WDR26: variants seen among roughly 807,000 people sequenced by gnomAD.
WDR26 encodes WD repeat domain 26, also known as WD repeat-containing protein 26.
Under a neutral mutation model 84.1 loss-of-function variants are expected in WDR26, and 5 were observed. The observed-to-expected ratio is 0.06, with a 90% CI of 0.03 to 0.13. WDR26 has a LOEUF of 0.13. Ranked by LOEUF, WDR26 falls within the 10% of genes least tolerant of loss-of-function variation. The pLI is 1.00. For missense variants in WDR26, 642 were observed against 974.9 expected, an observed-to-expected ratio of 0.66 and a Z score of 4.55; for synonymous variants, 415 against 389.6, an observed-to-expected ratio of 1.07 and a Z score of -0.77.
In WDR26 at chr1:224,389,576, T is replaced by C; in HGVS notation, c.*259A>G. The stretch of plus-strand genomic sequence containing the variant: ...ACTGAGTTCAATGGGTAAGCCTGAA[T>C]GTAGCACAGTTCTTCACAACCGATG... On this transcript the variant is annotated 3_prime_UTR_variant, in exon 14 of 14. Coordinates refer to ENST00000414423, the MANE Select transcript of WDR26 (RefSeq NM_001379403.1). 1.7e-6 allele frequency: 1 copy of C among 573,348 alleles called. No homozygotes were observed. Among genetic ancestry groups the C allele is most frequent in the Non-Finnish European group, 3.0e-6 (1 of 330,432 alleles). The allele number at this position is 573,348 out of a possible 1,614,324, so 35.5% of individuals were successfully genotyped here.
In WDR26 at chr1:224,419,763, G is replaced by A. The variant is rs577027521; in HGVS notation, c.1065-148C>T. ...TGGACTCAATTCATTAATATAATAT[G>A]GCACCTGCATATAATTACTAAAATG... On this transcript the variant is annotated intron_variant, in intron 4 of 13. Transcript: ENST00000414423. 3.1e-4 allele frequency: 192 copies of A among 612,602 alleles called. 1 individual carries two copies. Among genetic ancestry groups the A allele is most frequent in the South Asian group, 1.7e-3 (85 of 50,520 alleles). The allele number at this position is 612,602 out of a possible 1,614,324, so 37.9% of individuals were successfully genotyped here.
chr1:224,415,638 T>C (rs1393455608), intron 6 of WDR26, among the ~76,000 whole-genome samples: 2 of 152,078 alleles, frequency 1.3e-5, no homozygotes, highest in African/African-American at 4.8e-5. Context: ...TTTTTTTGTA[T>C]TTTTAGTAGA....
chr1:224,410,092 C>G (rs1673691890), intron 7 of WDR26, among the ~76,000 whole-genome samples: 2 of 151,776 alleles, frequency 1.3e-5, no homozygotes, highest in South Asian at 4.1e-4. Flanking sequence ...ACCAGTCTGG[C>G]CAACATGGTG....
At chr1:224,424,733 T>G (rs2102919634) in intron 3 of WDR26, 79 bp from the exon 4 acceptor site, 1 of 1,577,252 alleles carries the variant, frequency 6.3e-7, no homozygotes, top group East Asian at 2.2e-5. Flanking sequence ...AACAGAACAG[T>G]AGAAACCATT....
chr1:224,410,782 T>C (rs1673717266), intron 7 of WDR26, among the ~76,000 whole-genome samples: 1 of 144,294 alleles, frequency 6.9e-6, no homozygotes, highest in Admixed American at 7.1e-5. Context: ...CACTGTAGCC[T>C]CCACCTCCCG....
Position 224,389,848 on chromosome 1 carries a change from C to G in WDR26, c.2273G>C (p.Ser758Thr). The G allele has an allele frequency of 7.4e-7, 1 of 1,349,214 alleles. No individual in the cohort carries two copies. The highest frequency in any genetic ancestry group is 9.7e-7 in the Non-Finnish European group (1 of 1,029,674). The allele number at this position is 1,349,214 out of a possible 1,614,324, so 83.6% of individuals were successfully genotyped here. ...CCAAATTCACCATCAACTATCCATG[C>G]TACTGCATTCCTCTGAATGAAGACA... The change falls in exon 14 of 14, where the codon AGC (serine) becomes ACC (threonine). Residue 758 changes from serine to threonine, a missense_variant. Transcript: ENST00000414423.
In WDR26 at chr1:224,386,682, G is replaced by A. The variant is rs1434978371; in HGVS notation, c.*3153C>T. The A allele has an allele frequency of 3.9e-5, 6 of 151,996 alleles. No individual in the cohort carries two copies. Among genetic ancestry groups the A allele is most frequent in the Non-Finnish European group, 8.8e-5 (6 of 67,966 alleles). 9.4% of individuals were successfully genotyped at this position (151,996 alleles called of 1,614,324 possible). A position where few individuals can be genotyped will look rare whatever the true frequency, so the allele number is the denominator to read the frequency against. ...ATTGGATTTTTTTCTCCTTTCAATT[G>A]CAGGATATTCTGATTATTTAAAGTT... On this transcript the variant is annotated 3_prime_UTR_variant, in exon 14 of 14. Transcript: ENST00000414423.
At chr1:224,428,184 C>A (rs898954282) in intron 3 of WDR26, among the ~76,000 whole-genome samples, 7 of 152,090 alleles carry the variant, frequency 4.6e-5, no homozygotes, top group African/African-American at 1.7e-4. Context: ...TCCCCTAGTC[C>A]ACCCAATACT....
At chr1:224,413,749 A>C (rs1268272294) in intron 6 of WDR26, among the ~76,000 whole-genome samples, 1 of 152,218 alleles carries the variant, frequency 6.6e-6, no homozygotes, top group Non-Finnish European at 1.5e-5. Flanking sequence ...ACTGCTGGAC[A>C]AAATTCCAAT....
chr1:224,413,177 A>C, intron 6 of WDR26: 1 of 629,250 alleles, frequency 1.6e-6, no homozygotes, highest in Non-Finnish European at 2.1e-6. Context: ...TGACAGAGTG[A>C]GATAGTCTCA....
chr1:224,400,375 CA>C (rs1217154532), intron 9 of WDR26, among the ~76,000 whole-genome samples: 1 of 149,024 alleles, frequency 6.7e-6, no homozygotes, highest in Non-Finnish European at 1.5e-5. Flanking sequence ...CTCATAAAAA[CA>C]AAAATGTTTA....
chr1:224,396,777 G>A (rs1340358327), intron 12 of WDR26, among the ~76,000 whole-genome samples: 1 of 152,072 alleles, frequency 6.6e-6, no homozygotes, highest in African/African-American at 2.4e-5. Flanking sequence ...TGGGTAACGC[G>A]GTGAAACCCC....
intron 13 of WDR26, among the ~76,000 whole-genome samples, chr1:224,390,966 A>G (rs1200233083): frequency 6.6e-6 from 1 of 152,160 alleles, no homozygotes; most frequent in Non-Finnish European, 1.5e-5. Flanking sequence ...TATTTCATAT[A>G]AATGGAATCA....
intron 6 of WDR26, among the ~76,000 whole-genome samples, chr1:224,417,396 A>G (rs1673935388): frequency 6.6e-6 from 1 of 152,170 alleles, no homozygotes; most frequent in Non-Finnish European, 1.5e-5. Flanking sequence ...TTGTTATTCG[A>G]TATCTTAAAA....
At chr1:224,395,286 G>T (rs1334614289) in intron 12 of WDR26, among the ~76,000 whole-genome samples, 1 of 152,188 alleles carries the variant, frequency 6.6e-6, no homozygotes, top group Non-Finnish European at 1.5e-5. Flanking sequence ...TTAAGTACAG[G>T]TGATGGTTCT....
At chr1:224,426,694 G>T (rs1427671678) in intron 3 of WDR26, among the ~76,000 whole-genome samples, 4 of 148,100 alleles carry the variant, frequency 2.7e-5, no homozygotes, top group African/African-American at 7.5e-5. Flanking sequence ...AAAAATAAAA[G>T]AATTTTATAT....
At chr1:224,409,853 A>G (rs540051075) in intron 7 of WDR26, among the ~76,000 whole-genome samples, 2 of 150,968 alleles carry the variant, frequency 1.3e-5, no homozygotes, top group Admixed American at 1.3e-4. Flanking sequence ...ACATAGTGAG[A>G]TACTGTCTCA....
At chr1:224,401,702 G>GAAAAAAGAACA (rs1673426426) in intron 8 of WDR26, among the ~76,000 whole-genome samples, 1 of 97,768 alleles carries the variant, frequency 1.0e-5, no homozygotes, top group Non-Finnish European at 1.9e-5. Context: ...AAAAAAAAAA[G>GAAAAAAGAACA]AAAAAAGAAA....
chr1:224,391,037 T>C (rs939878065), intron 13 of WDR26, among the ~76,000 whole-genome samples: 2 of 152,008 alleles, frequency 1.3e-5, no homozygotes, highest in East Asian at 1.9e-4. Flanking sequence ...GGTCCATTCA[T>C]ACTGTAGCAT....
Sources: gnomAD v4.1 joint callset for allele counts (sites outside exome capture counted in the v4.1 genomes callset) on GRCh38, gnomAD v4.1.1 for gene constraint, MANE v1.5 for transcripts, NCBI Gene and HGNC (gene_info 2026-07-23, HGNC 2026-07-21) for gene names.